TGFB3: variants seen among roughly 807,000 people sequenced by gnomAD.
The protein encoded by TGFB3 is transforming growth factor beta 3.
A neutral mutation model predicts 40.1 loss-of-function variants in TGFB3; 5 were observed. The ratio of observed to expected loss-of-function variants is 0.12; its 90% confidence interval spans 0.07 to 0.26. TGFB3 has a LOEUF of 0.26. Among genes scored for constraint, TGFB3 ranks in the 10% least tolerant of loss-of-function variants. TGFB3 has a pLI of 1.00. For synonymous variants in TGFB3, 184 were observed against 205.6 expected, an observed-to-expected ratio of 0.89 and a Z score of 0.90; for missense variants, 373 against 530.1, an observed-to-expected ratio of 0.70 and a Z score of 2.91.
chr14:75,972,949 G>A (rs891904124), intron 1 of TGFB3, among the ~76,000 whole-genome samples: 2 of 152,130 alleles, frequency 1.3e-5, no homozygotes, highest in Non-Finnish European at 2.9e-5. Flanking sequence ...TTGACAGCAC[G>A]TGCTATGCCA....
rs777949995 is a variant in TGFB3 at position 75,963,377 on chromosome 14, C to T, written c.865G>A (p.Asp289Asn). ...CTCTGACCCCCCTGGCCCGGGTTGT[C>T]GAGCCGGTGTGGGGGAATCATCATG... The part of the protein sequence containing the change: ...ILMMIPPHRL[D>N]NPGQGGQRKK... Residue 289 changes from aspartate to asparagine, a missense_variant, in exon 5 of 7, where the codon GAC becomes AAC. Transcript: ENST00000238682. 2.3e-5 allele frequency: 37 copies of T among 1,614,036 alleles called. No homozygotes were observed. Among genetic ancestry groups the T allele is most frequent in the African/African-American group, 2.7e-5 (2 of 74,890 alleles).
rs757664433 is a variant in TGFB3, at chr14:75,980,706, G to A, written c.188C>T (p.Thr63Ile). The A allele has an allele frequency of 6.2e-7, 1 of 1,614,078 alleles. No homozygotes were observed. Among genetic ancestry groups the A allele is most frequent in the Non-Finnish European group, 8.5e-7 (1 of 1,180,050 alleles). ...LTSPPEPTVM[T>I]HVPYQVLALY... ...GGCCAGGACCTGATAGGGGACGTGG[G>A]TCATCACCGTTGGCTCAGGGGGGCT... Residue 63 changes from threonine (T) to isoleucine (I), a missense_variant, in exon 1 of 7, where the codon ACC becomes ATC. Coordinates refer to ENST00000238682, the MANE Select transcript of TGFB3 (RefSeq NM_003239.5). The surrounding 1 kb of genome is among the most constrained non-coding windows in gnomAD (Gnocchi z 4.3).
In TGFB3 at chr14:75,980,925, G is replaced by A; in HGVS notation, c.-32C>T. The A allele has an allele frequency of 6.3e-7, 1 of 1,598,966 alleles. No homozygotes were observed. The highest frequency in any genetic ancestry group is 8.6e-7 in the Non-Finnish European group (1 of 1,167,422). ...GCTGGGAAGAGAGGCCAGGGGGACG[G>A]CAAGGCCTGGAGAGGAAGAGACCCC... On this transcript the variant is annotated 5_prime_UTR_variant, in exon 1 of 7. Coordinates refer to ENST00000238682, the MANE Select transcript of TGFB3 (RefSeq NM_003239.5). The surrounding 1 kb of genome is among the most constrained non-coding windows in gnomAD (Gnocchi z 4.3).
chr14:75,963,178 T>G (rs780213793), intron 5 of TGFB3, 138 bp downstream of exon 5: 6 of 988,268 alleles, frequency 6.1e-6, no homozygotes, highest in Non-Finnish European at 9.5e-6. Flanking sequence ...TGTGAGAGAT[T>G]TTCAGTCTTC....
intron 3 of TGFB3, chr14:75,970,812 TATC>T (rs1278484897): frequency 2.7e-6 from 1 of 367,928 alleles, no homozygotes; most frequent in African/African-American, 2.1e-5. Context: ...GCTAAATCCT[TATC>T]ATTCAGATGT....
chr14:75,982,123 A>T (rs1284483078), upstream of TGFB3, among the ~76,000 whole-genome samples: 1 of 152,248 alleles, frequency 6.6e-6, no homozygotes. This position sits in a 1 kb window ranked among gnomAD's most constrained non-coding sequence, Gnocchi z 4.0. Context: ...AAACAGGCAC[A>T]GGAAAAGCCG....
In TGFB3 at chr14:75,971,318, A is replaced by C; in HGVS notation, c.517-63T>G. On this transcript the variant is annotated intron_variant, in intron 2 of 6. Coordinates refer to ENST00000238682, the MANE Select transcript of TGFB3 (RefSeq NM_003239.5). This position sits in a 1 kb window ranked among gnomAD's most constrained non-coding sequence, Gnocchi z 4.5. The stretch of plus-strand genomic sequence containing the variant: ...GACAGAGTGCCCCAGAAGATGTCAC[A>C]ATGCAGAGCACAGGTGAGGGAGCGA... 6.2e-7 allele frequency: 1 copy of C among 1,612,282 alleles called. No homozygotes were observed. Among genetic ancestry groups the C allele is most frequent in the Non-Finnish European group, 8.5e-7 (1 of 1,179,444 alleles).
At chr14:75,959,454 T>A (rs1428242071) in intron 6 of TGFB3, 109 bp from the exon 7 acceptor site, 2 of 1,305,538 alleles carry the variant, frequency 1.5e-6, no homozygotes, top group African/African-American at 2.9e-5. Context: ...AGTGCTAGAA[T>A]GGCCACGGGT....
intron 3 of TGFB3, among the ~76,000 whole-genome samples, chr14:75,967,438 G>A (rs1438183677): frequency 6.6e-6 from 1 of 152,204 alleles, no homozygotes; most frequent in Non-Finnish European, 1.5e-5. Flanking sequence ...TAAGGCAGCT[G>A]GAAGGAGGAG....
chr14:75,976,790 C>T (rs1281047198), intron 1 of TGFB3, among the ~76,000 whole-genome samples: 5 of 152,146 alleles, frequency 3.3e-5, no homozygotes, highest in Non-Finnish European at 7.3e-5. Flanking sequence ...ATCATGACGC[C>T]GTGGCTTTTC....
At chr14:75,972,571 G>A (rs1475426094) in intron 1 of TGFB3, among the ~76,000 whole-genome samples, 2 of 152,170 alleles carry the variant, frequency 1.3e-5, no homozygotes, top group Non-Finnish European at 2.9e-5. Flanking sequence ...CGGAAGGGGT[G>A]AAAATTGAGA....
intron 3 of TGFB3, among the ~76,000 whole-genome samples, chr14:75,967,327 G>A (rs751134145): frequency 6.6e-5 from 10 of 152,190 alleles, no homozygotes; most frequent in South Asian, 2.1e-4. Flanking sequence ...CAGCAGGTTC[G>A]CTCAGTGAGG....
chr14:75,975,260 C>T (rs1033743669), intron 1 of TGFB3, among the ~76,000 whole-genome samples: 9 of 151,936 alleles, frequency 5.9e-5, no homozygotes, highest in Admixed American at 1.3e-4. Flanking sequence ...CCCAGCTACT[C>T]GGGAGGCTGA....
At position 75,965,692 on chromosome 14, in the gene TGFB3, G is replaced by C. The variant is rs1234848884; in HGVS notation, c.650C>G (p.Ser217Cys). ...TVREWLLRRE[S>C]NLGLEISIHC... is the part of the protein sequence containing the mutation. Reference sequence around the variant, plus strand: ...AATGCTGATTTCTAGACCTAAGTTGGACTCTGCAAAATAAGACAGAATTAG... The same window carrying C: ...AATGCTGATTTCTAGACCTAAGTTGCACTCTGCAAAATAAGACAGAATTAG... The change falls in exon 4 of 7, where the codon TCC (serine) becomes TGC (cysteine). Residue 217 changes from serine (S) to cysteine (C), a missense_variant. By Grantham distance (112) the Ser-to-Cys change is moderately radical. Transcript: ENST00000238682. 1 of 1,613,426 alleles carries C rather than the reference G, an allele frequency of 6.2e-7. No individual in the cohort carries two copies. The highest frequency in any genetic ancestry group is 8.5e-7 in the Non-Finnish European group (1 of 1,179,476).
At position 75,960,955 on chromosome 14, in the gene TGFB3, A is replaced by T. The variant is rs1400200743; in HGVS notation, c.1048T>A (p.Tyr350Asn). Reference sequence around the variant, plus strand: ...TGGGTTGTGTCTGCACTGCGGAGGTATGGGCAAGGGCCTGAGCAGAAGTTG... The same window carrying T: ...TGGGTTGTGTCTGCACTGCGGAGGTTTGGGCAAGGGCCTGAGCAGAAGTTG... ...YANFCSGPCP[Y>N]LRSADTTHST... The change falls in exon 6 of 7, where the codon TAC (tyrosine) becomes AAC (asparagine). Residue 350 changes from tyrosine (Y) to asparagine (N), a missense_variant. Physicochemically the swap from Tyr to Asn is moderately radical, Grantham distance 143. Transcript: ENST00000238682. The T allele has an allele frequency of 1.2e-6, 2 of 1,614,216 alleles. No homozygotes were observed. Among genetic ancestry groups the T allele is most frequent in the Admixed American group, 3.3e-5 (2 of 60,028 alleles).
chr14:75,965,769 G>T, intron 3 of TGFB3, 74 bp from the exon 4 acceptor site: 2 of 1,214,122 alleles, frequency 1.6e-6, no homozygotes, highest in South Asian at 1.2e-5. Flanking sequence ...CCCATGCAAG[G>T]GTGAGCCAGG....
chr14:75,982,532 G>A (rs1445310813), upstream of TGFB3, among the ~76,000 whole-genome samples: 1 of 152,210 alleles, frequency 6.6e-6, no homozygotes, highest in Admixed American at 6.5e-5. The surrounding 1 kb of genome is among the most constrained non-coding windows in gnomAD (Gnocchi z 4.0). Flanking sequence ...GATCGGAGTC[G>A]GGAGGCGGGC....
chr14:75,969,607 A>G (rs2035263104), intron 3 of TGFB3, among the ~76,000 whole-genome samples: 1 of 152,228 alleles, frequency 6.6e-6, no homozygotes, highest in Non-Finnish European at 1.5e-5. Context: ...AGGAGGAACC[A>G]TTGCCTGATT....
rs115411167 is a variant in TGFB3, at chr14:75,960,760, A to G, written c.1080+163T>C. Reference sequence around the variant, plus strand: ...TTAAAAGGGCAGAATGTGACTGAGTAGAACTGAGTCAGGGTGCCAAGATCA... The same window carrying G: ...TTAAAAGGGCAGAATGTGACTGAGTGGAACTGAGTCAGGGTGCCAAGATCA... On this transcript the variant is annotated intron_variant, in intron 6 of 6. Coordinates refer to ENST00000238682, the MANE Select transcript of TGFB3 (RefSeq NM_003239.5). The G allele has an allele frequency of 3.4e-3, 2,908 of 860,194 alleles. 44 individuals carry two copies. Among genetic ancestry groups the G allele is most frequent in the South Asian group, 0.024 (1,470 of 61,992 alleles). 53.3% of individuals were successfully genotyped at this position (860,194 alleles called of 1,614,324 possible).
Sources: allele counts gnomAD v4.1 joint callset (sites outside exome capture counted in the v4.1 genomes callset), GRCh38; gene constraint gnomAD v4.1.1; non-coding constraint Gnocchi (gnomAD v3.1); transcripts MANE v1.5; gene names NCBI Gene and HGNC (gene_info 2026-07-23, HGNC 2026-07-21).